FAIM: variants seen among roughly 807,000 people sequenced by gnomAD.
FAIM encodes fas apoptotic inhibitory molecule 1.
In FAIM, 14 loss-of-function variants were observed where a neutral mutation model predicts 21.2. That is an observed-to-expected ratio of 0.66 (90% CI 0.44 to 1.03). FAIM has a LOEUF of 1.03. Ranked by LOEUF, FAIM falls within the 50% of genes least tolerant of loss-of-function variation. The pLI is 0.00. For synonymous variants in FAIM, 86 were observed against 80.4 expected (o/e 1.07, Z -0.37); for missense variants, 222 against 247.1 (o/e 0.90, Z 0.68).
intron 4 of FAIM, among the ~76,000 whole-genome samples, chr3:138,627,182 CTTT>C (rs1188996564): frequency 7.1e-6 from 1 of 141,762 alleles, no homozygotes; most frequent in Non-Finnish European, 1.5e-5. Flanking sequence ...GGCTTTTTTA[CTTT>C]TTTTTTTTTT....
At position 138,629,106 on chromosome 3, in the gene FAIM, G is replaced by A. The variant is rs1334059651; in HGVS notation, c.407-1G>A. 6.2e-7 allele frequency: 1 copy of A among 1,602,316 alleles called. No homozygotes were observed. Among genetic ancestry groups the A allele is most frequent in the Non-Finnish European group, 8.5e-7 (1 of 1,175,302 alleles). ...TTAAAGTTTTTATGTTACCTTTACA[G>A]AAAAAGATGCTATGGACGTATGGTG... On this transcript the variant is annotated splice_acceptor_variant, in intron 4 of 5. Transcript: ENST00000360570. LOFTEE classifies it high-confidence loss of function.
At chr3:138,629,367 T>C in intron 5 of FAIM, 1 of 467,318 alleles carries the variant, frequency 2.1e-6, no homozygotes, top group East Asian at 3.5e-5. Flanking sequence ...TGTTCTTAGC[T>C]GGCACTAGCT....
intron 2 of FAIM, 141 bp from the exon 3 acceptor site, chr3:138,621,266 T>G: frequency 1.3e-6 from 1 of 791,176 alleles, no homozygotes; most frequent in East Asian, 2.6e-5. Flanking sequence ...ACATGTACTG[T>G]GAGTAGAATT....
chr3:138,622,340 G>A lies in FAIM; in HGVS notation c.330G>A (p.Lys110=). Reference sequence around the variant, plus strand: ...AAATTAATGGGAAAAGTCTCAAGAAGTATATGGAGGACAGATCAAAAACCA... The same window carrying A: ...AAATTAATGGGAAAAGTCTCAAGAAATATATGGAGGACAGATCAAAAACCA... ...TLEINGKSLK[K]YMEDRSKTTN... The change falls in exon 4 of 6, where the codon AAG becomes AAA. Residue 110 remains lysine, a synonymous_variant. Transcript: ENST00000360570. 6.2e-7 allele frequency: 1 copy of A among 1,613,882 alleles called. No homozygotes were observed. Among genetic ancestry groups the A allele is most frequent in the Non-Finnish European group, 8.5e-7 (1 of 1,179,934 alleles).
chr3:138,632,247 A>G (rs2043013504), intron 5 of FAIM, among the ~76,000 whole-genome samples: 1 of 151,578 alleles, frequency 6.6e-6, no homozygotes, highest in Non-Finnish European at 1.5e-5. Context: ...GATTTAAATC[A>G]ATATACCAAA....
At chr3:138,628,406 T>C (rs1217438316) in intron 4 of FAIM, among the ~76,000 whole-genome samples, 2 of 152,170 alleles carry the variant, frequency 1.3e-5, no homozygotes, top group Admixed American at 6.5e-5. Flanking sequence ...CTGGTCAATA[T>C]TGAAGGGCAT....
At chr3:138,627,418 T>C (rs1407056870) in intron 4 of FAIM, among the ~76,000 whole-genome samples, 1 of 152,120 alleles carries the variant, frequency 6.6e-6, no homozygotes, top group East Asian at 1.9e-4. Flanking sequence ...CCTGACCTTG[T>C]GATTTGCCTG....
intron 4 of FAIM, among the ~76,000 whole-genome samples, chr3:138,628,817 A>G (rs2108356142): frequency 6.6e-6 from 1 of 152,212 alleles, no homozygotes; most frequent in Non-Finnish European, 1.5e-5. Context: ...GTCCTTTTGG[A>G]TTCATTTTGT....
chr3:138,612,845 A>G (rs1439516965), intron 1 of FAIM, among the ~76,000 whole-genome samples: 1 of 151,912 alleles, frequency 6.6e-6, no homozygotes, highest in African/African-American at 2.4e-5. Context: ...AACACTGATT[A>G]TTTTCTGTTT....
intron 1 of FAIM, among the ~76,000 whole-genome samples, chr3:138,615,551 G>T (rs536932839): frequency 1.4e-4 from 21 of 152,250 alleles, no homozygotes; most frequent in African/African-American, 5.1e-4. Context: ...CTGTGCTTTA[G>T]TGCCTTTTAG....
chr3:138,614,395 G>A (rs947756794), intron 1 of FAIM, among the ~76,000 whole-genome samples: 2 of 151,602 alleles, frequency 1.3e-5, no homozygotes, highest in African/African-American at 4.9e-5. Context: ...AATTGAGATC[G>A]CACCACTGCA....
At chr3:138,616,579 G>C (rs566504491) in intron 1 of FAIM, among the ~76,000 whole-genome samples, 1 of 152,030 alleles carries the variant, frequency 6.6e-6, no homozygotes, top group Non-Finnish European at 1.5e-5. Flanking sequence ...GGCTGGTCTC[G>C]AGTTCCTGGC....
intron 1 of FAIM, among the ~76,000 whole-genome samples, chr3:138,611,572 C>T (rs1240274253): frequency 6.6e-6 from 1 of 152,092 alleles, no homozygotes; most frequent in Non-Finnish European, 1.5e-5. Context: ...TTGTACTTAC[C>T]AAATCTCATG....
intron 1 of FAIM, 133 bp from the exon 2 acceptor site, chr3:138,619,578 C>A: frequency 1.4e-6 from 1 of 713,220 alleles, no homozygotes; most frequent in Non-Finnish European, 2.4e-6. Flanking sequence ...GCTGTTTCAT[C>A]TGAAACTCCA....
chr3:138,609,479 C>T (rs971797720), intron 1 of FAIM, among the ~76,000 whole-genome samples: 5 of 149,128 alleles, frequency 3.4e-5, no homozygotes, highest in Non-Finnish European at 7.4e-5. Context: ...ATGGTTTTTC[C>T]TTGTAACATG....
chr3:138,613,949 A>G (rs2042799272), intron 1 of FAIM, among the ~76,000 whole-genome samples: 1 of 152,190 alleles, frequency 6.6e-6, no homozygotes, highest in African/African-American at 2.4e-5. Context: ...TAGATCATTG[A>G]GATAACTTTT....
At chr3:138,615,592 C>T (rs2042817584) in intron 1 of FAIM, among the ~76,000 whole-genome samples, 2 of 152,116 alleles carry the variant, frequency 1.3e-5, no homozygotes, top group African/African-American at 4.8e-5. Flanking sequence ...TCCTTTCAGA[C>T]CTCTAACCTA....
intron 4 of FAIM, among the ~76,000 whole-genome samples, chr3:138,627,853 G>C (rs1284065253): frequency 1.3e-5 from 2 of 152,108 alleles, no homozygotes; most frequent in Non-Finnish European, 2.9e-5. Flanking sequence ...TCAAGGTATG[G>C]GGAGAGAAAG....
In FAIM at chr3:138,633,069, T is replaced by C. The variant is rs769180654; in HGVS notation, c.596T>C (p.Ile199Thr). The change falls in exon 6 of 6, where the codon ATT becomes ACT. Residue 199 changes from isoleucine (I) to threonine (T), a missense_variant. By Grantham distance (89) the Ile-to-Thr change is moderately conservative (BLOSUM62 -1). Coordinates refer to ENST00000360570, the MANE Select transcript of FAIM (RefSeq NM_001033031.2). The stretch of plus-strand genomic sequence containing the variant: ...GTGGATAATAGAGAAATCCCAGAGA[T>C]TGCAAGTTAATGAATTTTCATCTTA... ...LIVDNREIPEIAS is the reference protein window; with the variant it reads ...LIVDNREIPETAS 2 of 1,611,384 alleles carry C rather than the reference T, an allele frequency of 1.2e-6. No homozygotes were observed. Among genetic ancestry groups the C allele is most frequent in the Non-Finnish European group, 1.7e-6 (2 of 1,179,136 alleles).
Sources: allele counts gnomAD v4.1 joint callset (sites outside exome capture counted in the v4.1 genomes callset), GRCh38; gene constraint gnomAD v4.1.1; transcripts MANE v1.5; gene names NCBI Gene and HGNC (gene_info 2026-07-23, HGNC 2026-07-21).